PHLPP1: variants seen among roughly 807,000 people sequenced by gnomAD.
PHLPP1 encodes the protein PH domain and leucine rich repeat protein phosphatase 1, also known as PH domain leucine-rich repeat-containing protein phosphatase 1.
A neutral mutation model predicts 117.2 loss-of-function variants in PHLPP1; 42 were observed. That is an observed-to-expected ratio of 0.36 (90% CI 0.28 to 0.46). PHLPP1 has a LOEUF of 0.46. Among genes scored for constraint, PHLPP1 ranks in the 20% least tolerant of loss-of-function variants. The probability of loss-of-function intolerance (pLI) is 1.00; values close to 1 mark genes in which losing one functional copy is unlikely to be tolerated. For synonymous variants in PHLPP1, 1,042 were observed against 970.7 expected (o/e 1.07, Z -1.37); for missense variants, 2,084 against 2,241.9 (o/e 0.93, Z 1.42).
intron 1 of PHLPP1, among the ~76,000 whole-genome samples, chr18:62,743,514 A>C (rs1163192087): frequency 6.6e-6 from 1 of 152,126 alleles, no homozygotes; most frequent in Non-Finnish European, 1.5e-5. Flanking sequence ...TCTAAACTTA[A>C]GTATCGCCAT....
At chr18:62,876,279 C>T (rs994113459) in intron 4 of PHLPP1, among the ~76,000 whole-genome samples, 32 of 152,252 alleles carry the variant, frequency 2.1e-4, no homozygotes, top group African/African-American at 6.5e-4. Context: ...CATTCTCTTG[C>T]CACTCATCTT....
intron 1 of PHLPP1, among the ~76,000 whole-genome samples, chr18:62,794,890 T>C (rs1177557051): frequency 6.6e-6 from 1 of 152,190 alleles, no homozygotes; most frequent in Non-Finnish European, 1.5e-5. Flanking sequence ...TCAATACTTT[T>C]ACTAACCTAA....
chr18:62,745,732 C>T lies in PHLPP1; in HGVS notation c.1576+28473C>T, dbSNP rs375314901. Among the ~76,000 whole-genome samples, 12 of 152,268 alleles carry T rather than the reference C, an allele frequency of 7.9e-5. No individual in the cohort carries two copies. The East Asian group carries it at 2.3e-3, about 29-fold the overall frequency. On this transcript the variant is annotated intron_variant, in intron 1 of 16. Coordinates refer to ENST00000262719, the MANE Select transcript of PHLPP1 (RefSeq NM_194449.4). ...CACTAAACCAAATCTTTGAAAAATT[C>T]ATGATTAAAATTAAAATTCTTAATG...
At chr18:62,929,943 C>T (rs143698893) in intron 10 of PHLPP1, among the ~76,000 whole-genome samples, 64 of 151,716 alleles carry the variant, frequency 4.2e-4, no homozygotes, top group African/African-American at 1.3e-3. Context: ...AGTGACAGAC[C>T]GTCTCTAAAA....
intron 1 of PHLPP1, among the ~76,000 whole-genome samples, chr18:62,829,193 A>G (rs1362155545): frequency 6.6e-6 from 1 of 152,144 alleles, no homozygotes; most frequent in African/African-American, 2.4e-5. Context: ...TAGTATTTCT[A>G]ATAGGAAATA....
intron 11 of PHLPP1, 95 bp from the exon 12 acceptor site, chr18:62,945,014 C>G (rs1222372102): frequency 2.1e-6 from 2 of 948,578 alleles, no homozygotes; most frequent in African/African-American, 1.7e-5. Flanking sequence ...ATGACTGTTA[C>G]AAATGAATCC....
chr18:62,819,919 AT>A (rs1914400292), intron 1 of PHLPP1, among the ~76,000 whole-genome samples: 1 of 152,208 alleles, frequency 6.6e-6, no homozygotes, highest in African/African-American at 2.4e-5. Context: ...AAGTGCTGGG[AT>A]TACAGGTGTG....
chr18:62,972,796 G>C, intron 15 of PHLPP1, 88 bp downstream of exon 15: 1 of 974,586 alleles, frequency 1.0e-6, no homozygotes, highest in African/African-American at 1.6e-5. Flanking sequence ...GTGCCCAATG[G>C]TCTCCAAGCC....
At chr18:62,783,192 C>G (rs562330465) in intron 1 of PHLPP1, among the ~76,000 whole-genome samples, 1 of 140,756 alleles carries the variant, frequency 7.1e-6, no homozygotes, top group South Asian at 2.3e-4. Context: ...GTTACTAGGT[C>G]TTGATTCTGC....
intron 4 of PHLPP1, among the ~76,000 whole-genome samples, chr18:62,875,894 G>C (rs1448502061): frequency 6.6e-6 from 1 of 151,800 alleles, no homozygotes; most frequent in East Asian, 1.9e-4. Context: ...CACCACATCC[G>C]GCTAATTTTT....
intron 12 of PHLPP1, among the ~76,000 whole-genome samples, chr18:62,957,061 G>A (rs1037576770): frequency 6.6e-5 from 10 of 152,064 alleles, no homozygotes; most frequent in Admixed American, 2.6e-4. Context: ...CCCTCTGATC[G>A]TTTCTGTAAG....
intron 10 of PHLPP1, among the ~76,000 whole-genome samples, chr18:62,921,242 G>C (rs1467765750): frequency 6.6e-6 from 1 of 152,090 alleles, no homozygotes; most frequent in Admixed American, 6.5e-5. Flanking sequence ...CAATATGAAG[G>C]ATCTAACTTT....
intron 1 of PHLPP1, 91 bp from the exon 2 acceptor site, chr18:62,829,944 C>A: frequency 1.3e-6 from 1 of 788,806 alleles, no homozygotes; most frequent in Non-Finnish European, 1.9e-6. Context: ...TGAATTATTC[C>A]CTTGTTGTCC....
intron 15 of PHLPP1, 75 bp from the exon 16 acceptor site, chr18:62,975,322 G>A (rs895493626): frequency 1.6e-5 from 15 of 947,178 alleles, no homozygotes; most frequent in South Asian, 8.3e-5. Flanking sequence ...CCAGTGGTGC[G>A]GTCTTGCTGT....
rs760078275 is a variant in PHLPP1, at chr18:62,970,617, T to C, written c.3561-1897T>C. Among the ~76,000 whole-genome samples, 11 of 152,030 alleles carry C rather than the reference T, an allele frequency of 7.2e-5. 1 individual carries two copies. In the South Asian group the frequency reaches 1.3e-3, roughly 17 times the overall value. On this transcript the variant is annotated intron_variant, in intron 14 of 16. Coordinates refer to ENST00000262719, the MANE Select transcript of PHLPP1 (RefSeq NM_194449.4). ...CTGTCTCTACAGAAAATACAAAAAT[T>C]AGCTGGGCGTGGTGGCGGGTGCCTG...
chr18:62,970,209 A>G (rs1019730980), intron 14 of PHLPP1, among the ~76,000 whole-genome samples: 1 of 152,224 alleles, frequency 6.6e-6, no homozygotes, highest in Non-Finnish European at 1.5e-5. Flanking sequence ...TTTCACATAT[A>G]AGAACCTTGC....
intron 9 of PHLPP1, among the ~76,000 whole-genome samples, chr18:62,918,361 C>CT (rs1909362637): frequency 6.7e-6 from 1 of 149,954 alleles, no homozygotes; most frequent in Admixed American, 6.6e-5. Flanking sequence ...TATAGTTGAT[C>CT]TTTTTTATTT....
intron 12 of PHLPP1, among the ~76,000 whole-genome samples, chr18:62,947,908 C>T (rs1161583150): frequency 4.6e-5 from 7 of 152,072 alleles, no homozygotes; most frequent in Non-Finnish European, 1.0e-4. Context: ...CACCTGTAAT[C>T]CCAGCTATCC....
chr18:62,919,973 G>A lies in PHLPP1; in HGVS notation c.2819G>A (p.Ser940Asn). 2 of 1,597,504 alleles carry A rather than the reference G, an allele frequency of 1.3e-6. No homozygotes were observed. Among genetic ancestry groups the A allele is most frequent in the Non-Finnish European group, 1.7e-6 (2 of 1,171,056 alleles). Residue 940 changes from serine (S) to asparagine (N), a missense_variant, in exon 10 of 17, where the codon AGC becomes AAC. Coordinates refer to ENST00000262719, the MANE Select transcript of PHLPP1 (RefSeq NM_194449.4). ...TTTTTATACAGCTTATTTTGTAATAGCAGTCTCCGGAAACTACTGGCAGGA... is the reference window on the plus strand; with the variant it reads ...TTTTTATACAGCTTATTTTGTAATAACAGTCTCCGGAAACTACTGGCAGGA... ...CELPARLFCN[S>N]SLRKLLAGHN...
Sources: gnomAD v4.1 joint callset for allele counts (sites outside exome capture counted in the v4.1 genomes callset) on GRCh38, gnomAD v4.1.1 for gene constraint, MANE v1.5 for transcripts, NCBI Gene and HGNC (gene_info 2026-07-23, HGNC 2026-07-21) for gene names.